ITPK1: variants seen among roughly 807,000 people sequenced by gnomAD.
ITPK1 encodes inositol-tetrakisphosphate 1-kinase.
A neutral mutation model predicts 45.3 loss-of-function variants in ITPK1; 21 were observed. That is an observed-to-expected ratio of 0.46 (90% CI 0.33 to 0.67). The LOEUF is 0.67. Among genes scored for constraint, ITPK1 ranks in the 30% least tolerant of loss-of-function variants. ITPK1 has a pLI of 0.02. For missense variants in ITPK1, 474 were observed against 573.5 expected, an observed-to-expected ratio of 0.83 and a Z score of 1.77; for synonymous variants, 258 against 253.6, an observed-to-expected ratio of 1.02 and a Z score of -0.16.
intron 3 of ITPK1, among the ~76,000 whole-genome samples, chr14:93,058,174 T>G (rs1210761370): frequency 6.6e-6 from 1 of 151,548 alleles, no homozygotes; most frequent in African/African-American, 2.4e-5. Flanking sequence ...GCCCATCAGC[T>G]CCCTTAAAGG....
chr14:92,939,682 G>A lies in ITPK1; in HGVS notation c.*1879C>T, dbSNP rs999459749. 1.7e-5 allele frequency: 17 copies of A among 984,866 alleles called. No homozygotes were observed. Among genetic ancestry groups the A allele is most frequent in the African/African-American group, 3.5e-5 (2 of 57,022 alleles). 61.0% of individuals were successfully genotyped at this position (984,866 alleles called of 1,614,324 possible). ...CTGGGCCCTGGACGCGCAAGACCCC[G>A]GAGGCCACAAACGGTACAGGAACAC... On this transcript the variant is annotated 3_prime_UTR_variant, in exon 11 of 11. Transcript: ENST00000267615.
intron 8 of ITPK1, among the ~76,000 whole-genome samples, chr14:92,957,058 C>T (rs3783922): frequency 6.6e-6 from 1 of 152,230 alleles, no homozygotes; most frequent in East Asian, 1.9e-4. Flanking sequence ...AGAGAAGAGG[C>T]ATCTAGGGGA....
At chr14:92,995,517 G>A (rs561688833) in intron 4 of ITPK1, among the ~76,000 whole-genome samples, 19 of 152,244 alleles carry the variant, frequency 1.2e-4, no homozygotes, top group South Asian at 6.2e-4. Context: ...TGGATTTCGC[G>A]GCAGAGTATC....
chr14:93,043,862 A>G (rs1026273143), intron 3 of ITPK1, among the ~76,000 whole-genome samples: 12 of 152,252 alleles, frequency 7.9e-5, no homozygotes, highest in South Asian at 2.1e-4. Context: ...GAAGGCCCCA[A>G]TACACATCTT....
At chr14:93,031,458 T>G (rs561768617) in intron 3 of ITPK1, among the ~76,000 whole-genome samples, 1 of 152,246 alleles carries the variant, frequency 6.6e-6, no homozygotes. Flanking sequence ...TACATGGCAG[T>G]TGCCATTTTT....
At chr14:92,998,745 A>T (rs1158554300) in intron 4 of ITPK1, among the ~76,000 whole-genome samples, 1 of 152,184 alleles carries the variant, frequency 6.6e-6, no homozygotes, top group South Asian at 2.1e-4. Context: ...GTGTGCCAGA[A>T]ATGGATTCAA....
At chr14:93,040,812 C>T (rs946464430) in intron 3 of ITPK1, among the ~76,000 whole-genome samples, 14 of 152,158 alleles carry the variant, frequency 9.2e-5, no homozygotes, top group African/African-American at 3.1e-4. Context: ...AGGAAACAGC[C>T]AAGCTTGGGA....
At chr14:93,026,317 C>G (rs4900170) in intron 3 of ITPK1, among the ~76,000 whole-genome samples, 1 of 152,036 alleles carries the variant, frequency 6.6e-6, no homozygotes, top group South Asian at 2.1e-4. Flanking sequence ...CCTAACACAA[C>G]AGAAAACATG....
At chr14:93,040,610 G>A (rs1476587557) in intron 3 of ITPK1, among the ~76,000 whole-genome samples, 2 of 152,192 alleles carry the variant, frequency 1.3e-5, no homozygotes, top group Non-Finnish European at 2.9e-5. Flanking sequence ...CCTGCACGCA[G>A]TCCCTCCTCT....
intron 5 of ITPK1, among the ~76,000 whole-genome samples, chr14:92,985,725 A>G (rs1262020271): frequency 6.6e-6 from 1 of 152,024 alleles, no homozygotes; most frequent in Non-Finnish European, 1.5e-5. Flanking sequence ...TCAGGGCGCC[A>G]GGGGCTGCTG....
intron 3 of ITPK1, among the ~76,000 whole-genome samples, chr14:93,030,311 G>C (rs1888968989): frequency 6.6e-6 from 1 of 152,188 alleles, no homozygotes; most frequent in South Asian, 2.1e-4. Flanking sequence ...AAGAGAAACC[G>C]TTACTGCTTC....
chr14:92,987,980 C>T (rs1413941994), intron 5 of ITPK1, among the ~76,000 whole-genome samples: 1 of 152,222 alleles, frequency 6.6e-6, no homozygotes, highest in Admixed American at 6.5e-5. Context: ...GGCGCTTAGC[C>T]GCCCCAGGGC....
At chr14:92,955,721 T>A (rs1884679507) in intron 8 of ITPK1, among the ~76,000 whole-genome samples, 1 of 152,140 alleles carries the variant, frequency 6.6e-6, no homozygotes, top group South Asian at 2.1e-4. Context: ...AGTTGTCGAG[T>A]GAAGACTCAT....
intron 2 of ITPK1, among the ~76,000 whole-genome samples, chr14:93,079,041 T>C (rs1023579851): frequency 1.3e-5 from 2 of 152,134 alleles, no homozygotes; most frequent in Non-Finnish European, 2.9e-5. Context: ...ATCTGGGTTA[T>C]CCCAGCGTGT....
At chr14:93,003,019 T>A (rs1318092794) in intron 4 of ITPK1, among the ~76,000 whole-genome samples, 1 of 152,056 alleles carries the variant, frequency 6.6e-6, no homozygotes, top group African/African-American at 2.4e-5. Flanking sequence ...AAGGCCACAG[T>A]CCACAGGGCC....
rs147786326 is a variant in ITPK1, at chr14:93,107,069, T to C, written c.95+8000A>G. ...ACCTCCCGAGCTCAAGCAATTCTCC[T>C]GCCTCAGCGTCCCAAGTAGCTGGGA... On this transcript the variant is annotated intron_variant, in intron 2 of 10. Transcript: ENST00000267615. Among the ~76,000 whole-genome samples, 1,044 of 152,244 alleles carry C rather than the reference T, an allele frequency of 6.9e-3. 12 individuals carry two copies. The highest frequency in any genetic ancestry group is 0.024 in the African/African-American group (1,008 of 41,508).
Position 93,032,784 on chromosome 14 carries a change from C to T in ITPK1, c.121-15983G>A, listed in dbSNP as rs1013854635. The stretch of plus-strand genomic sequence containing the variant: ...GACCCTGGTGAGTTGCTGGGACTCA[C>T]GAAGGGGCCATCGCACTCTGCAGAC... On this transcript the variant is annotated intron_variant, in intron 3 of 10. Coordinates refer to ENST00000267615, the MANE Select transcript of ITPK1 (RefSeq NM_014216.6). This position sits in a 1 kb window ranked among gnomAD's most constrained non-coding sequence, Gnocchi z 4.0. 6.6e-6 allele frequency among the ~76,000 whole-genome samples: 1 copy of T among 152,210 alleles called. No homozygotes were observed. The highest frequency in any genetic ancestry group is 2.4e-5 in the African/African-American group (1 of 41,450).
intron 2 of ITPK1, among the ~76,000 whole-genome samples, chr14:93,107,509 G>C (rs1210019603): frequency 2.6e-5 from 4 of 152,176 alleles, no homozygotes; most frequent in Non-Finnish European, 5.9e-5. Context: ...TGTCTGGGAG[G>C]GCCTTTGGCC....
chr14:93,038,892 C>A (rs1464598887), intron 3 of ITPK1, among the ~76,000 whole-genome samples: 1 of 152,230 alleles, frequency 6.6e-6, no homozygotes, highest in Non-Finnish European at 1.5e-5. Context: ...AAGCAACTAT[C>A]TAAAAAATGC....
Sources: gnomAD v4.1 joint callset for allele counts (sites outside exome capture counted in the v4.1 genomes callset) on GRCh38, gnomAD v4.1.1 for gene constraint, Gnocchi (gnomAD v3.1) non-coding constraint, MANE v1.5 for transcripts, NCBI Gene and HGNC (gene_info 2026-07-23, HGNC 2026-07-21) for gene names.